Variants in DMD observed in about 807,000 individuals in gnomAD.
DMD encodes mutant dystrophin.
Under a neutral mutation model 330.1 loss-of-function variants are expected in DMD, and 63 were observed. The ratio of observed to expected loss-of-function variants is 0.19; its 90% CI spans 0.16 to 0.24. DMD has a LOEUF of 0.24. Among genes scored for constraint, DMD ranks in the 10% least tolerant of loss-of-function variants. The pLI is 1.00. For synonymous variants in DMD, 1,223 were observed against 959.8 expected (o/e 1.27, Z -5.07); for missense variants, 3,344 against 2,684.1 (o/e 1.25, Z -5.43).
At chrX:32,673,724 A>T (rs749393749) in intron 9 of DMD, among the ~76,000 whole-genome samples, 2 of 112,079 alleles carry the variant, frequency 1.8e-5, no homozygotes, top group African/African-American at 6.5e-5. Flanking sequence ...TACTTCAAAG[A>T]TATACTCAAA....
chrX:32,087,591 C>T (rs1193289795), intron 44 of DMD, among the ~76,000 whole-genome samples: 1 of 111,675 alleles, frequency 9.0e-6, no homozygotes, highest in Non-Finnish European at 1.9e-5. Flanking sequence ...CCCGCTAGTC[C>T]GAGTCAATCA....
chrX:31,215,428 A>T (rs1164491882), intron 64 of DMD, among the ~76,000 whole-genome samples: 1 of 111,025 alleles, frequency 9.0e-6, no homozygotes, highest in Non-Finnish European at 1.9e-5. Flanking sequence ...CAACCTATCC[A>T]ACACACTGGA....
chrX:33,221,377 C>T (rs1488433357), intron 1 of DMD, among the ~76,000 whole-genome samples: 1 of 111,129 alleles, frequency 9.0e-6, no homozygotes, highest in Non-Finnish European at 1.9e-5. Context: ...AAGATAACAC[C>T]GTATGCACTG....
At chrX:32,821,983 T>G (rs1292183230) in intron 5 of DMD, among the ~76,000 whole-genome samples, 2 of 111,704 alleles carry the variant, frequency 1.8e-5, no homozygotes, top group Middle Eastern at 4.6e-3. Context: ...GAACCAGAAC[T>G]AAACCAGATT....
At chrX:31,193,390 C>T (rs1473292436) in intron 67 of DMD, among the ~76,000 whole-genome samples, 1 of 111,924 alleles carries the variant, frequency 8.9e-6, no homozygotes, top group Admixed American at 9.5e-5. Flanking sequence ...ATTCTTTGTA[C>T]ACTCAGAACC....
At chrX:32,345,629 G>GT (rs1373400481) in intron 39 of DMD, among the ~76,000 whole-genome samples, 3 of 110,125 alleles carry the variant, frequency 2.7e-5, no homozygotes, top group Non-Finnish European at 5.7e-5. Context: ...AGTTAGGCAG[G>GT]TTTTTTTCAA....
chrX:31,365,898 T>C (rs1044664940), intron 60 of DMD, among the ~76,000 whole-genome samples: 22 of 112,501 alleles, frequency 2.0e-4, no homozygotes, highest in African/African-American at 5.8e-4. Context: ...CTAAACCGAT[T>C]AAAAAGGAAC....
intron 15 of DMD, among the ~76,000 whole-genome samples, chrX:32,570,627 G>C (rs2052309848): frequency 9.0e-6 from 1 of 111,495 alleles, no homozygotes; most frequent in African/African-American, 3.3e-5. Context: ...GAAAGGCCTG[G>C]ACCTGAGTCT....
chrX:32,595,114 A>G (rs1414413296), intron 13 of DMD, among the ~76,000 whole-genome samples: 1 of 111,888 alleles, frequency 8.9e-6, no homozygotes, highest in Non-Finnish European at 1.9e-5. Context: ...TAGCCATTAA[A>G]GGGGTATGCA....
intron 12 of DMD, among the ~76,000 whole-genome samples, chrX:32,608,625 T>C (rs12557082): frequency 0.042 from 4,650 of 110,314 alleles, 96 homozygotes; most frequent in South Asian, 0.068. Context: ...TTATCAAACT[T>C]TCATGCCCTT....
intron 44 of DMD, among the ~76,000 whole-genome samples, chrX:31,991,052 T>G (rs1333716308): frequency 1.8e-5 from 2 of 111,465 alleles, no homozygotes; most frequent in African/African-American, 3.3e-5. Context: ...ATACAGGTTT[T>G]GAGAGTTGAT....
At chrX:33,326,779 C>A (rs2054094962) in intron 1 of DMD, among the ~76,000 whole-genome samples, 1 of 111,313 alleles carries the variant, frequency 9.0e-6, no homozygotes, top group Non-Finnish European at 1.9e-5. Context: ...TGGAGAGAAG[C>A]AAGAAGGAAG....
chrX:32,125,187 G>A, intron 44 of DMD, among the ~76,000 whole-genome samples: 1 of 110,890 alleles, frequency 9.0e-6, no homozygotes, highest in South Asian at 3.8e-4. Context: ...CAGTCTGGTG[G>A]GTAGGGGGGT....
At chrX:31,287,193 G>GT (rs1243553078) in intron 62 of DMD, among the ~76,000 whole-genome samples, 2 of 112,346 alleles carry the variant, frequency 1.8e-5, no homozygotes, top group African/African-American at 6.5e-5. Context: ...ATGTATAAGT[G>GT]TAACGTACAC....
At position 32,217,081 on chromosome X, in the gene DMD, T is replaced by A; in HGVS notation, c.6291-18A>T. ...CAAATCGCCTGCAGGTAAAAGCATA[T>A]GGATCAAGAAAAATAGATGGATTAT... On this transcript the variant is annotated intron_variant, in intron 43 of 78. Transcript: ENST00000357033. 1 of 1,203,369 alleles carries A rather than the reference T, an allele frequency of 8.3e-7. No individual in the cohort carries two copies. The highest frequency in any genetic ancestry group is 1.1e-6 in the Non-Finnish European group (1 of 888,838).
At chrX:31,669,633 G>C (rs760771876) in intron 53 of DMD, among the ~76,000 whole-genome samples, 54 of 111,326 alleles carry the variant, frequency 4.9e-4, no homozygotes, top group Non-Finnish European at 8.7e-4. Context: ...AAATGCAAAG[G>C]TTTACTTTTG....
At chrX:33,169,267 T>C (rs1414463940) in intron 1 of DMD, among the ~76,000 whole-genome samples, 2 of 111,948 alleles carry the variant, frequency 1.8e-5, no homozygotes, top group Non-Finnish European at 3.8e-5. Flanking sequence ...ACAATACAAA[T>C]GATCTTTATG....
Position 31,676,545 on chromosome X carries a change from A to T in DMD, c.7872+2830T>A, listed in dbSNP as rs144534694. Among the ~76,000 whole-genome samples the T allele has an allele frequency of 4.5e-3, 503 of 111,843 alleles. 5 individuals are homozygous for T. Among genetic ancestry groups the T allele is most frequent in the African/African-American group, 0.016 (492 of 30,810 alleles). On this transcript the variant is annotated intron_variant, in intron 53 of 78. Transcript: ENST00000357033. The stretch of plus-strand genomic sequence containing the variant: ...TGTAATATAATCTTATTTGTCAATT[A>T]ATAATTACATGAGTCTTTTTCAGAT...
chrX:32,464,787 A>C, intron 23 of DMD, 88 bp from the exon 24 acceptor site: 2 of 658,126 alleles, frequency 3.0e-6, no homozygotes, highest in Non-Finnish European at 5.0e-6. Flanking sequence ...ACACAGGCCC[A>C]AAAACAATTC....
Sources: allele counts gnomAD v4.1 joint callset (sites outside exome capture counted in the v4.1 genomes callset), GRCh38; gene constraint gnomAD v4.1.1; transcripts MANE v1.5; gene names NCBI Gene and HGNC (gene_info 2026-07-23, HGNC 2026-07-21).